Variants in CDH2 observed in about 807,000 individuals in gnomAD.
CDH2 encodes cadherin 2, also known as cadherin-2.
A neutral mutation model predicts 92.0 loss-of-function variants in CDH2; 17 were observed. That is an observed-to-expected ratio of 0.18 (90% CI 0.13 to 0.28). CDH2 has a LOEUF of 0.28. CDH2 is among the 10% of genes least tolerant of loss of function. The pLI is 1.00. For missense variants in CDH2, 862 were observed against 1,133.1 expected (o/e 0.76, Z 3.44); for synonymous variants, 419 against 415.9 (o/e 1.01, Z -0.09).
At chr18:27,949,824 TAATA>T (rs1909366822), downstream of CDH2, among the ~76,000 whole-genome samples, 1 of 151,728 alleles carries the variant, frequency 6.6e-6, no homozygotes, top group Non-Finnish European at 1.5e-5. Flanking sequence ...CTACAAAAAT[TAATA>T]TTTATATTTA....
chr18:28,128,471 T>C (rs2067526999), intron 2 of CDH2, among the ~76,000 whole-genome samples: 1 of 152,040 alleles, frequency 6.6e-6, no homozygotes, highest in Admixed American at 6.6e-5. Context: ...AGCAGGCGGA[T>C]CTCAGAAGTT....
intron 2 of CDH2, among the ~76,000 whole-genome samples, chr18:28,028,620 C>T (rs2144077599): frequency 6.6e-6 from 1 of 152,182 alleles, no homozygotes; most frequent in East Asian, 1.9e-4. Flanking sequence ...CATCATAATA[C>T]ATAACTGATA....
intron 2 of CDH2, among the ~76,000 whole-genome samples, chr18:28,085,839 G>T (rs1365840746): frequency 6.6e-6 from 1 of 152,078 alleles, no homozygotes; most frequent in East Asian, 1.9e-4. Context: ...TGAATGAAAT[G>T]ATTAATTACT....
chr18:28,166,077 T>C (rs1463966408), intron 1 of CDH2, among the ~76,000 whole-genome samples: 1 of 148,008 alleles, frequency 6.8e-6, no homozygotes, highest in Non-Finnish European at 1.5e-5. Context: ...TTGAGGAAGC[T>C]GTCTTTGGAG....
At chr18:27,970,382 T>C (rs1240497517) in intron 14 of CDH2, among the ~76,000 whole-genome samples, 1 of 152,194 alleles carries the variant, frequency 6.6e-6, no homozygotes, top group Non-Finnish European at 1.5e-5. Context: ...CCACTCTATC[T>C]CAGCATGACC....
At chr18:28,077,747 C>CGGGTGTGGCA (rs1292383240) in intron 2 of CDH2, among the ~76,000 whole-genome samples, 2 of 151,676 alleles carry the variant, frequency 1.3e-5, no homozygotes, top group Non-Finnish European at 2.9e-5. Context: ...AAAAATTAGG[C>CGGGTGTGGCA]GGGTGTGGCA....
chr18:27,940,527 G>T (rs1403031682), intron 6 of CDH2, among the ~76,000 whole-genome samples: 1 of 152,098 alleles, frequency 6.6e-6, no homozygotes, highest in African/African-American at 2.4e-5. Context: ...TTTTTCTTGT[G>T]CTTTATTTGG....
At chr18:28,119,562 A>C (rs1179915049) in intron 2 of CDH2, among the ~76,000 whole-genome samples, 1 of 152,166 alleles carries the variant, frequency 6.6e-6, no homozygotes, top group Non-Finnish European at 1.5e-5. Context: ...AATATTGAGC[A>C]ATATTGAGTG....
Position 27,952,097 on chromosome 18 carries a change from G to T in CDH2, c.*56C>A. 1 of 1,410,660 alleles carries T rather than the reference G, an allele frequency of 7.1e-7. No homozygotes were observed. Among genetic ancestry groups the T allele is most frequent in the Non-Finnish European group, 1.0e-6 (1 of 996,498 alleles). 87.4% of individuals were successfully genotyped at this position (1,410,660 alleles called of 1,614,324 possible). On this transcript the variant is annotated 3_prime_UTR_variant, in exon 16 of 16. Coordinates refer to ENST00000269141, the MANE Select transcript of CDH2 (RefSeq NM_001792.5). ...AAAGCCTAGCTTCTGAATGCTTTTT[G>T]GGAATATCAGTTGAAATTGTTTGTA...
At chr18:27,949,771 A>G (rs539307909), downstream of CDH2, among the ~76,000 whole-genome samples, 213 of 151,974 alleles carry the variant, frequency 1.4e-3, 1 homozygote, top group South Asian at 9.9e-3. Context: ...TTTTTTTAAT[A>G]TAAAAAGAAT....
intron 1 of CDH2, among the ~76,000 whole-genome samples, chr18:28,175,464 G>A (rs1225273023): frequency 6.6e-6 from 1 of 152,236 alleles, no homozygotes; most frequent in African/African-American, 2.4e-5. Flanking sequence ...CCCGGGAGGA[G>A]AGCGTGGAGC....
At chr18:28,001,211 T>C (rs1386183662) in intron 7 of CDH2, among the ~76,000 whole-genome samples, 2 of 152,236 alleles carry the variant, frequency 1.3e-5, no homozygotes, top group Non-Finnish European at 2.9e-5. Context: ...ATGACAATTA[T>C]GGCCTCACGT....
At chr18:27,965,755 C>T (rs1271358581) in intron 14 of CDH2, among the ~76,000 whole-genome samples, 1 of 151,852 alleles carries the variant, frequency 6.6e-6, no homozygotes, top group East Asian at 1.9e-4. Context: ...GAGGCCAAGG[C>T]GGGTAGATCA....
intron 2 of CDH2, among the ~76,000 whole-genome samples, chr18:28,141,149 A>G (rs1448273385): frequency 1.3e-5 from 2 of 151,994 alleles, no homozygotes; most frequent in East Asian, 3.9e-4. Flanking sequence ...AAAAATTAAT[A>G]TACAATCCCT....
In CDH2 at chr18:28,097,880, T is replaced by C. The variant is rs1310748218; in HGVS notation, c.172+49793A>G. On this transcript the variant is annotated intron_variant, in intron 2 of 15. Transcript: ENST00000269141. ...TTTTTTCATGTTCCTAAAAAGATTT[T>C]CAATTTTTGATAAAATGGAGTTTTT... Among the ~76,000 whole-genome samples, 3 of 152,322 alleles carry C rather than the reference T, an allele frequency of 2.0e-5. No individual in the cohort carries two copies. The East Asian group carries it at 5.8e-4, about 29-fold the overall frequency.
intron 1 of CDH2, among the ~76,000 whole-genome samples, chr18:28,151,979 T>C (rs2016129824): frequency 6.6e-6 from 1 of 152,120 alleles, no homozygotes; most frequent in Non-Finnish European, 1.5e-5. Context: ...TGAATTTCAT[T>C]CCATTTTCAA....
chr18:27,967,582 A>G (rs894083352), intron 14 of CDH2, among the ~76,000 whole-genome samples: 8 of 152,332 alleles, frequency 5.3e-5, no homozygotes, highest in Non-Finnish European at 7.3e-5. Flanking sequence ...CAACCTTTAC[A>G]ATGTTAACTT....
chr18:28,081,319 T>C (rs1472300398), intron 2 of CDH2, among the ~76,000 whole-genome samples: 3 of 152,202 alleles, frequency 2.0e-5, no homozygotes, highest in Non-Finnish European at 4.4e-5. Context: ...TCCCATCATA[T>C]ACACTGAAGC....
chr18:27,972,543 C>T (rs937093887), intron 14 of CDH2, among the ~76,000 whole-genome samples: 1 of 152,132 alleles, frequency 6.6e-6, no homozygotes, highest in Non-Finnish European at 1.5e-5. Context: ...GTGCCTGACA[C>T]AGAACAAATA....
Sources: gnomAD v4.1 joint callset for allele counts (sites outside exome capture counted in the v4.1 genomes callset) on GRCh38, gnomAD v4.1.1 for gene constraint, MANE v1.5 for transcripts, NCBI Gene and HGNC (gene_info 2026-07-23, HGNC 2026-07-21) for gene names.